The following BRI3BP variants were observed in gnomAD, a reference collection of about 807,000 sequenced individuals.
BRI3BP encodes the protein BRI3 binding protein, also known as BRI3-binding protein.
A neutral mutation model predicts 15.8 loss-of-function variants in BRI3BP; 7 were observed. That is an observed-to-expected ratio of 0.44 (90% CI 0.25 to 0.83). The LOEUF is 0.83. Among genes scored for constraint, BRI3BP ranks in the 40% least tolerant of loss-of-function variants. The pLI, the probability that BRI3BP is intolerant of heterozygous loss-of-function variation, is 0.20. For synonymous variants in BRI3BP, 192 were observed against 163.5 expected, an observed-to-expected ratio of 1.17 and a Z score of -1.33; for missense variants, 320 against 339.3, an observed-to-expected ratio of 0.94 and a Z score of 0.45.
In BRI3BP at chr12:124,995,346, CACTT is replaced by C. The variant is rs143775922; in HGVS notation, c.213+1348_213+1351del. Among the ~76,000 whole-genome samples the C allele has an allele frequency of 3.7e-4, 56 of 152,274 alleles. No individual in the cohort carries two copies. In the East Asian group the frequency reaches 0.01, roughly 27 times the overall value. ...TCAGGGGTGTGAGTGCAGGGAGTCT[CACTT>C]ACTTCCTCTTGATGCCGTTTCGGAG... On this transcript the variant is annotated intron_variant, in intron 1 of 2. Coordinates refer to ENST00000341446, the MANE Select transcript of BRI3BP (RefSeq NM_080626.6).
At chr12:125,005,990 C>T (rs1363763832) in intron 1 of BRI3BP, among the ~76,000 whole-genome samples, 1 of 152,054 alleles carries the variant, frequency 6.6e-6, no homozygotes, top group Non-Finnish European at 1.5e-5. Flanking sequence ...TCCTGAGGCC[C>T]CTCGTCTTGG....
chr12:125,021,932 T>C (rs1167840737), intron 2 of BRI3BP, among the ~76,000 whole-genome samples: 1 of 151,778 alleles, frequency 6.6e-6, no homozygotes, highest in Non-Finnish European at 1.5e-5. Context: ...ATACAAAAAT[T>C]AGCCAGCTGT....
In BRI3BP at chr12:125,028,348, C is replaced by T. The variant is rs937730045; in HGVS notation, c.*2918C>T. Reference sequence around the variant, plus strand: ...TCATTCCTCCTCCCACCCTCTTACCCGAAACATGAAGGGCACTGTGCTCTA... The same window carrying T: ...TCATTCCTCCTCCCACCCTCTTACCTGAAACATGAAGGGCACTGTGCTCTA... On this transcript the variant is annotated 3_prime_UTR_variant, in exon 3 of 3. Coordinates refer to ENST00000341446, the MANE Select transcript of BRI3BP (RefSeq NM_080626.6). 7 of 152,182 alleles carry T rather than the reference C, an allele frequency of 4.6e-5. No individual in the cohort carries two copies. The highest frequency in any genetic ancestry group is 7.2e-5 in the African/African-American group (3 of 41,438). 9.4% of individuals were successfully genotyped at this position (152,182 alleles called of 1,614,324 possible). A position where few individuals can be genotyped will look rare whatever the true frequency, so the allele number is the denominator to read the frequency against.
intron 1 of BRI3BP, among the ~76,000 whole-genome samples, chr12:125,011,093 TAAAAAAAAAA>T (rs35697952): frequency 4.3e-5 from 4 of 93,462 alleles, no homozygotes; most frequent in African/African-American, 1.7e-4. Context: ...GACCCTGTCT[TAAAAAAAAAA>T]AAAAAAAAAA....
rs533371121 is a variant in BRI3BP, at chr12:124,999,699, G to C, written c.213+5696G>C. On this transcript the variant is annotated intron_variant, in intron 1 of 2. Coordinates refer to ENST00000341446, the MANE Select transcript of BRI3BP (RefSeq NM_080626.6). The stretch of plus-strand genomic sequence containing the variant: ...GTGGCGCAATTTCGGCTCACTGCAA[G>C]CTCCACCTCCTGGGTTCATGCCATT... Among the ~76,000 whole-genome samples, 13 of 150,202 alleles carry C rather than the reference G, an allele frequency of 8.7e-5. No homozygotes were observed. In the East Asian group the frequency reaches 2.2e-3, roughly 26 times the overall value.
At chr12:125,039,976 G>A in the BRI3BP span, among the ~76,000 whole-genome samples, 1 of 152,086 alleles carries the variant, frequency 6.6e-6, no homozygotes, top group East Asian at 1.9e-4. Context: ...AAAAATGTAG[G>A]ACAATGGCTG....
rs1186921594 is a variant in BRI3BP, at chr12:125,028,338, C to T, written c.*2908C>T. The T allele has an allele frequency of 1.3e-5, 2 of 152,226 alleles. No homozygotes were observed. Among genetic ancestry groups the T allele is most frequent in the South Asian group, 2.1e-4 (1 of 4,834 alleles). 9.4% of individuals were successfully genotyped at this position (152,226 alleles called of 1,614,324 possible). On this transcript the variant is annotated 3_prime_UTR_variant, in exon 3 of 3. Transcript: ENST00000341446. ...AATACCCGCTTCATTCCTCCTCCCA[C>T]CCTCTTACCCGAAACATGAAGGGCA...
intron 2 of BRI3BP, 79 bp from the exon 3 acceptor site, chr12:125,024,912 C>A: frequency 1.5e-6 from 2 of 1,335,570 alleles, no homozygotes; most frequent in Non-Finnish European, 2.1e-6. Context: ...CACAGGCCAG[C>A]TCAACTATCC....
chr12:125,015,033 C>T (rs1049265333), intron 2 of BRI3BP, among the ~76,000 whole-genome samples: 38 of 152,178 alleles, frequency 2.5e-4, no homozygotes, highest in African/African-American at 9.2e-4. Context: ...TCCCAAAGTG[C>T]TGAGATTGTA....
chr12:125,025,325 C>T lies in BRI3BP; in HGVS notation c.651C>T (p.Asn217=). 1 of 1,613,526 alleles carries T rather than the reference C, an allele frequency of 6.2e-7. No individual in the cohort carries two copies. Among genetic ancestry groups the T allele is most frequent in the Non-Finnish European group, 8.5e-7 (1 of 1,179,856 alleles). Reference sequence around the variant, plus strand: ...CCAGCGGCCCCAGCAACCCCAGCAACCCCAGCGTGGAGGAGAAGCTGGAGC... The same window carrying T: ...CCAGCGGCCCCAGCAACCCCAGCAATCCCAGCGTGGAGGAGAAGCTGGAGC... ...SSPSGPSNPS[N]PSVEEKLEHL... is the part of the protein sequence containing the mutation. Residue 217 remains asparagine, a synonymous_variant, in exon 3 of 3, where the codon AAC becomes AAT. Transcript: ENST00000341446.
chr12:124,995,827 A>G (rs1415208009), intron 1 of BRI3BP, among the ~76,000 whole-genome samples: 3 of 152,208 alleles, frequency 2.0e-5, no homozygotes, highest in Non-Finnish European at 4.4e-5. Context: ...TGGAGCCCAC[A>G]TTAGTATCTC....
At chr12:125,046,631 C>G in the BRI3BP span, among the ~76,000 whole-genome samples, 1 of 152,204 alleles carries the variant, frequency 6.6e-6, no homozygotes, top group Non-Finnish European at 1.5e-5. Flanking sequence ...GATCTGTATG[C>G]AGCCCTACCA....
chr12:125,043,639 C>T, the BRI3BP span, among the ~76,000 whole-genome samples: 9 of 151,926 alleles, frequency 5.9e-5, no homozygotes, highest in Admixed American at 5.9e-4. Flanking sequence ...GGCCAATCAC[C>T]TGAGGTCAGG....
At chr12:125,008,770 G>C (rs1189433900) in intron 1 of BRI3BP, among the ~76,000 whole-genome samples, 1 of 152,060 alleles carries the variant, frequency 6.6e-6, no homozygotes, top group East Asian at 1.9e-4. Flanking sequence ...TCATTACATT[G>C]TAATATAGAA....
intron 1 of BRI3BP, among the ~76,000 whole-genome samples, chr12:124,998,993 G>A (rs1414492810): frequency 2.0e-5 from 3 of 152,064 alleles, no homozygotes; most frequent in Admixed American, 6.6e-5. Flanking sequence ...AGGGAGGATC[G>A]CTTGATCCTG....
At chr12:125,032,981 C>T (rs1393549650), downstream of BRI3BP, among the ~76,000 whole-genome samples, 1 of 152,058 alleles carries the variant, frequency 6.6e-6, no homozygotes, top group Non-Finnish European at 1.5e-5. Context: ...TGACCAGCTA[C>T]AGCCTCACCA....
the BRI3BP span, among the ~76,000 whole-genome samples, chr12:125,041,230 G>C: frequency 6.6e-6 from 1 of 151,058 alleles, no homozygotes; most frequent in African/African-American, 2.4e-5. Flanking sequence ...GTGTGTGTGT[G>C]TATTTTTAGT....
chr12:125,013,702 G>A (rs1364846736), intron 2 of BRI3BP, among the ~76,000 whole-genome samples: 1 of 152,224 alleles, frequency 6.6e-6, no homozygotes. Flanking sequence ...CCACCGCACA[G>A]GGCAAGAATT....
At position 125,029,242 on chromosome 12, in the gene BRI3BP, A is replaced by G. The variant is rs537230892; in HGVS notation, c.*3812A>G. The G allele has an allele frequency of 2.0e-5, 3 of 151,620 alleles. No individual in the cohort carries two copies. Among genetic ancestry groups the G allele is most frequent in the African/African-American group, 7.3e-5 (3 of 41,362 alleles). 9.4% of individuals were successfully genotyped at this position (151,620 alleles called of 1,614,324 possible). ...TAAATATACTTTCCAGGCTGGGTGC[A>G]GTGGCTCAAGCTTGTAATCCCAGCA... is the stretch of plus-strand genomic sequence containing the variant. On this transcript the variant is annotated 3_prime_UTR_variant, in exon 3 of 3. Coordinates refer to ENST00000341446, the MANE Select transcript of BRI3BP (RefSeq NM_080626.6).
Sources: gnomAD v4.1 joint callset for allele counts (sites outside exome capture counted in the v4.1 genomes callset) on GRCh38, gnomAD v4.1.1 for gene constraint, MANE v1.5 for transcripts, NCBI Gene and HGNC (gene_info 2026-07-23, HGNC 2026-07-21) for gene names.